Variants in KCNQ1 observed in about 807,000 individuals in gnomAD.
KCNQ1 encodes potassium voltage-gated channel subfamily KQT member 1.
In KCNQ1, 49 loss-of-function variants were observed where a neutral mutation model predicts 72.4. The observed-to-expected ratio is 0.68, with a 90% CI of 0.54 to 0.86. The LOEUF (loss-of-function observed/expected upper bound fraction) is 0.86, where lower values mean the gene tolerates loss of function less well. Among genes scored for constraint, KCNQ1 ranks in the 40% least tolerant of loss-of-function variants. The pLI is 0.00. For synonymous variants in KCNQ1, 450 were observed against 412.6 expected, an observed-to-expected ratio of 1.09 and a Z score of -1.10; for missense variants, 790 against 945.1, an observed-to-expected ratio of 0.84 and a Z score of 2.15.
At chr11:2,693,321 C>T in intron 11 of KCNQ1, 1 of 398,766 alleles carries the variant, frequency 2.5e-6, no homozygotes, top group Non-Finnish European at 4.4e-6. Context: ...CCTGGGCCCT[C>T]TCTCCCTGCC....
chr11:2,757,571 T>G (rs940466435), intron 11 of KCNQ1, among the ~76,000 whole-genome samples: 1 of 152,202 alleles, frequency 6.6e-6, no homozygotes, highest in Admixed American at 6.5e-5. Context: ...TGGACAAACT[T>G]GTTCTAAAAT....
rs1395429976 is a variant in KCNQ1 at position 2,579,127 on chromosome 11, A to G, written c.922-4308A>G. Among the ~76,000 whole-genome samples the G allele has an allele frequency of 6.6e-6, 1 of 152,146 alleles. No homozygotes were observed. Among genetic ancestry groups the G allele is most frequent in the African/African-American group, 2.4e-5 (1 of 41,436 alleles). ...CCAGCCGGGGCCAGTGAGCTCTGGG[A>G]GCCAGGGCTTGGCATGCGGCTGGAG... On this transcript the variant is annotated intron_variant, in intron 6 of 15. Coordinates refer to ENST00000155840, the MANE Select transcript of KCNQ1 (RefSeq NM_000218.3). This position sits in a 1 kb window ranked among gnomAD's most constrained non-coding sequence, Gnocchi z 6.0.
intron 6 of KCNQ1, among the ~76,000 whole-genome samples, chr11:2,574,316 G>A (rs1049543166): frequency 2.0e-5 from 3 of 152,150 alleles, no homozygotes; most frequent in Admixed American, 6.5e-5. Flanking sequence ...CTGCCCCCGC[G>A]TCTGCCCTTG....
intron 11 of KCNQ1, chr11:2,688,209 G>A: frequency 2.5e-6 from 1 of 398,754 alleles, no homozygotes; most frequent in Non-Finnish European, 4.4e-6. Context: ...GCTGCACTGA[G>A]CCCACCAAAG....
Position 2,458,287 on chromosome 11 carries a change from C to G in KCNQ1, c.386+12803C>G, listed in dbSNP as rs2133577386. The stretch of plus-strand genomic sequence containing the variant: ...TTCATCCTGATACTGAGGGGCAAAA[C>G]CAGTGGACTTTGATTTGCATTTCTC... On this transcript the variant is annotated intron_variant, in intron 1 of 15. Transcript: ENST00000155840. The surrounding 1 kb of genome is among the most constrained non-coding windows in gnomAD (Gnocchi z 4.6). Among the ~76,000 whole-genome samples the G allele has an allele frequency of 6.6e-6, 1 of 152,154 alleles. No individual in the cohort carries two copies. The highest frequency in any genetic ancestry group is 1.9e-4 in the East Asian group (1 of 5,192).
chr11:2,807,125 G>A (rs1343390364), intron 15 of KCNQ1, among the ~76,000 whole-genome samples: 1 of 152,244 alleles, frequency 6.6e-6, no homozygotes, highest in East Asian at 1.9e-4. Flanking sequence ...TTAAATGGCT[G>A]CTTTAGCCCG....
At position 2,624,075 on chromosome 11, in the gene KCNQ1, A is replaced by G. The variant is rs1849222568; in HGVS notation, c.1393+35221A>G. The G allele has an allele frequency of 2.5e-6, 1 of 398,690 alleles. No individual in the cohort carries two copies. The allele number at this position is 398,690 out of a possible 1,614,324, so 24.7% of individuals were successfully genotyped here. On this transcript the variant is annotated intron_variant, in intron 10 of 15. Coordinates refer to ENST00000155840, the MANE Select transcript of KCNQ1 (RefSeq NM_000218.3). The surrounding 1 kb of genome is among the most constrained non-coding windows in gnomAD (Gnocchi z 4.9). ...CCTGTTGCCCCACATATTGGCAAGT[A>G]TTTGGTATTGTCAGTGTTTTGAATT...
rs1846473623 is a variant in KCNQ1 at position 2,471,846 on chromosome 11, G to A, written c.386+26362G>A. ...TATGGGTGCGTGTGCACCTATGTGT[G>A]TATAGGTGTGTGTGTTTATGTATGG... On this transcript the variant is annotated intron_variant, in intron 1 of 15. Transcript: ENST00000155840. This position sits in a 1 kb window ranked among gnomAD's most constrained non-coding sequence, Gnocchi z 4.8. 6.6e-6 allele frequency among the ~76,000 whole-genome samples: 1 copy of A among 151,768 alleles called. No homozygotes were observed. The highest frequency in any genetic ancestry group is 6.5e-5 in the Admixed American group (1 of 15,270).
At chr11:2,747,657 G>A (rs962165223) in intron 11 of KCNQ1, among the ~76,000 whole-genome samples, 2 of 152,232 alleles carry the variant, frequency 1.3e-5, no homozygotes, top group African/African-American at 4.8e-5. Context: ...AAGGAAGATG[G>A]CTTTGGGGGT....
intron 10 of KCNQ1, chr11:2,609,714 A>T (rs565036463): frequency 6.0e-5 from 24 of 398,358 alleles, no homozygotes; most frequent in Admixed American, 1.3e-4. Context: ...TTGTTAGGTG[A>T]ATATATGTTT....
At chr11:2,585,185 G>A (rs570745138) in intron 7 of KCNQ1, 27 bp from the exon 8 acceptor site, 40 of 1,591,018 alleles carry the variant, frequency 2.5e-5, no homozygotes, top group South Asian at 9.9e-5. Context: ...CTGTGTGGAC[G>A]GGAGCCTCCT....
rs143282761 is a variant in KCNQ1 at position 2,623,375 on chromosome 11, T to A, written c.1393+34521T>A. On this transcript the variant is annotated intron_variant, in intron 10 of 15. Coordinates refer to ENST00000155840, the MANE Select transcript of KCNQ1 (RefSeq NM_000218.3). This position sits in a 1 kb window ranked among gnomAD's most constrained non-coding sequence, Gnocchi z 5.2. The stretch of plus-strand genomic sequence containing the variant: ...TCATACAGATACGTATATTTACATA[T>A]ATTTGTACATTTTCACTGCCCTAAA... The A allele has an allele frequency of 5.0e-6, 2 of 398,622 alleles. No homozygotes were observed. The highest frequency in any genetic ancestry group is 4.1e-5 in the African/African-American group (2 of 48,748). 24.7% of individuals were successfully genotyped at this position (398,622 alleles called of 1,614,324 possible).
chr11:2,568,147 C>T (rs1370614902), intron 2 of KCNQ1, among the ~76,000 whole-genome samples: 7 of 152,112 alleles, frequency 4.6e-5, no homozygotes, highest in Admixed American at 2.0e-4. Context: ...GTGGCATGCG[C>T]CTGTAGTCCC....
rs1015539160 is a variant in KCNQ1, at chr11:2,652,961, C to T, written c.1394-9000C>T. The T allele has an allele frequency of 7.5e-6, 3 of 398,512 alleles. No homozygotes were observed. Among genetic ancestry groups the T allele is most frequent in the Admixed American group, 4.4e-5 (1 of 22,714 alleles). The allele number at this position is 398,512 out of a possible 1,614,324, so 24.7% of individuals were successfully genotyped here. ...TCCTCCCTGGGACTTCTCAGGATTCCGGAAGTCATCTTTGACTGTGTCACA... is the reference window on the plus strand; with the variant it reads ...TCCTCCCTGGGACTTCTCAGGATTCTGGAAGTCATCTTTGACTGTGTCACA... On this transcript the variant is annotated intron_variant, in intron 10 of 15. Coordinates refer to ENST00000155840, the MANE Select transcript of KCNQ1 (RefSeq NM_000218.3). This position sits in a 1 kb window ranked among gnomAD's most constrained non-coding sequence, Gnocchi z 5.9.
chr11:2,676,432 G>T lies in KCNQ1; in HGVS notation c.1514+14351G>T. 1 of 398,664 alleles carries T rather than the reference G, an allele frequency of 2.5e-6. No individual in the cohort carries two copies. The highest frequency in any genetic ancestry group is 4.4e-5 in the Admixed American group (1 of 22,746). The allele number at this position is 398,664 out of a possible 1,614,324, so 24.7% of individuals were successfully genotyped here. ...AGCCCAATGGGCTGGGCTTTTCCCA[G>T]ATAGGACATGCTCACTGTTCTGCTC... On this transcript the variant is annotated intron_variant, in intron 11 of 15. Coordinates refer to ENST00000155840, the MANE Select transcript of KCNQ1 (RefSeq NM_000218.3). The surrounding 1 kb of genome is among the most constrained non-coding windows in gnomAD (Gnocchi z 4.2).
At chr11:2,530,153 T>C (rs1387324314) in intron 2 of KCNQ1, among the ~76,000 whole-genome samples, 1 of 152,176 alleles carries the variant, frequency 6.6e-6, no homozygotes, top group Non-Finnish European at 1.5e-5. Context: ...CACAGGGCGA[T>C]GTCCAATACC....
chr11:2,701,670 C>G (rs1176244731), intron 11 of KCNQ1, among the ~76,000 whole-genome samples: 1 of 152,190 alleles, frequency 6.6e-6, no homozygotes, highest in Admixed American at 6.5e-5. Flanking sequence ...AGTGGCTTTC[C>G]CACCTTCCTG....
Position 2,817,484 on chromosome 11 carries a change from T to A in KCNQ1, c.1795-30283T>A, listed in dbSNP as rs1261706381. 6.6e-6 allele frequency among the ~76,000 whole-genome samples: 1 copy of A among 152,108 alleles called. No individual in the cohort carries two copies. Among genetic ancestry groups the A allele is most frequent in the Non-Finnish European group, 1.5e-5 (1 of 68,014 alleles). On this transcript the variant is annotated intron_variant, in intron 15 of 15. Coordinates refer to ENST00000155840, the MANE Select transcript of KCNQ1 (RefSeq NM_000218.3). The surrounding 1 kb of genome is among the most constrained non-coding windows in gnomAD (Gnocchi z 6.1). ...CCCCAGCAGTCAGGGAAGGACCTGC[T>A]GGGGCATTTCAGATCCTGAGCAGCA...
intron 11 of KCNQ1, chr11:2,692,742 C>A: frequency 2.5e-6 from 1 of 398,676 alleles, no homozygotes; most frequent in South Asian, 1.3e-4. Context: ...CTATCAAATC[C>A]CTCCCTCTGG....
Sources: allele counts gnomAD v4.1 joint callset (sites outside exome capture counted in the v4.1 genomes callset), GRCh38; gene constraint gnomAD v4.1.1; non-coding constraint Gnocchi (gnomAD v3.1); transcripts MANE v1.5; gene names NCBI Gene and HGNC (gene_info 2026-07-23, HGNC 2026-07-21).